USP34: variants seen among roughly 807,000 people sequenced by gnomAD.
USP34 encodes ubiquitin specific peptidase 34.
USP34 carries 70 observed loss-of-function variants against 460.3 expected under a neutral mutation model. The observed-to-expected ratio is 0.15, with a 90% CI of 0.13 to 0.19. USP34 has a LOEUF of 0.19. USP34 is among the 10% of genes least tolerant of loss of function. The probability of loss-of-function intolerance (pLI) is 1.00; values close to 1 mark genes in which losing one functional copy is unlikely to be tolerated. For synonymous variants in USP34, 1,647 were observed against 1,405.3 expected (o/e 1.17, Z -3.85); for missense variants, 3,985 against 4,236.2 (o/e 0.94, Z 1.65).
In USP34 at chr2:61,265,570, G is replaced by C. The variant is rs1441562729; in HGVS notation, c.5618-13C>G. The C allele has an allele frequency of 5.1e-6, 8 of 1,578,910 alleles. No homozygotes were observed. The South Asian group carries it at 8.2e-5, about 16-fold the overall frequency. The stretch of plus-strand genomic sequence containing the variant: ...TAAGGTGCATGGGCTGCTGAAGAAA[G>C]AGGGAGGAAAAGATCCCCCCCAAAC... On this transcript the variant is annotated splice_polypyrimidine_tract_variant and intron_variant, in intron 42 of 79. Coordinates refer to ENST00000398571, the MANE Select transcript of USP34 (RefSeq NM_014709.4).
At chr2:61,246,274 A>G (rs1298859346) in intron 50 of USP34, 50 bp downstream of exon 50, 3 of 1,384,266 alleles carry the variant, frequency 2.2e-6, no homozygotes, top group Non-Finnish European at 9.5e-7. Flanking sequence ...AAAACATATC[A>G]GAAAACTACC....
chr2:61,223,568 AC>A (rs1182372039), intron 62 of USP34: 3 of 325,296 alleles, frequency 9.2e-6, no homozygotes, highest in African/African-American at 6.7e-5. Flanking sequence ...GTCTTATTTT[AC>A]TTACTTTTTT....
At chr2:61,393,366 G>A (rs1180032936) in intron 5 of USP34, among the ~76,000 whole-genome samples, 7 of 150,778 alleles carry the variant, frequency 4.6e-5, no homozygotes, top group African/African-American at 1.5e-4. Flanking sequence ...GGGAGACGGA[G>A]GTTGCAGTGA....
At chr2:61,213,429 A>G (rs1470695577) in intron 68 of USP34, among the ~76,000 whole-genome samples, 3 of 152,198 alleles carry the variant, frequency 2.0e-5, no homozygotes, top group African/African-American at 7.2e-5. Flanking sequence ...CTGTCTTTAA[A>G]GTACAGTTTA....
chr2:61,232,906 G>C (rs1000540491), intron 57 of USP34, among the ~76,000 whole-genome samples: 1 of 113,772 alleles, frequency 8.8e-6, no homozygotes, highest in Non-Finnish European at 1.6e-5. Context: ...ATCTTGCTCC[G>C]TTGCCCAGGC....
chr2:61,455,731 A>T (rs2104081808), intron 1 of USP34, among the ~76,000 whole-genome samples: 1 of 152,270 alleles, frequency 6.6e-6, no homozygotes, highest in Middle Eastern at 3.4e-3. Context: ...ATTTCACAAA[A>T]TTTACCATTT....
intron 67 of USP34, among the ~76,000 whole-genome samples, chr2:61,218,480 T>C (rs1289545742): frequency 6.6e-6 from 1 of 152,170 alleles, no homozygotes; most frequent in East Asian, 1.9e-4. Context: ...AACACTATTA[T>C]GATGGTACAT....
At chr2:61,443,438 T>C (rs959510864) in intron 1 of USP34, among the ~76,000 whole-genome samples, 1 of 151,890 alleles carries the variant, frequency 6.6e-6, no homozygotes, top group South Asian at 2.1e-4. Context: ...CGTACAATTA[T>C]TACGTCAATT....
At chr2:61,460,856 G>A (rs564901501) in intron 1 of USP34, among the ~76,000 whole-genome samples, 4 of 151,834 alleles carry the variant, frequency 2.6e-5, no homozygotes, top group South Asian at 2.1e-4. Flanking sequence ...AGTGACGCAC[G>A]CCTGTAGTCC....
chr2:61,321,436 C>T (rs536177114), intron 21 of USP34, among the ~76,000 whole-genome samples: 1 of 152,262 alleles, frequency 6.6e-6, no homozygotes, highest in South Asian at 2.1e-4. Flanking sequence ...TGCGCCACTG[C>T]TCTCCAGCCT....
intron 2 of USP34, among the ~76,000 whole-genome samples, chr2:61,413,628 C>G (rs1260882413): frequency 6.8e-6 from 1 of 146,182 alleles, no homozygotes; most frequent in Non-Finnish European, 1.5e-5. Context: ...CCATTGCACT[C>G]CATCCTGGCA....
intron 21 of USP34, among the ~76,000 whole-genome samples, chr2:61,322,465 G>T (rs2600660): frequency 0.33 from 50,147 of 151,980 alleles, 8,415 homozygotes; most frequent in Non-Finnish European, 0.38. Context: ...GCAATCACAA[G>T]TACGAGTATG....
At chr2:61,202,068 C>G (rs1024743099) in intron 75 of USP34, among the ~76,000 whole-genome samples, 10 of 152,170 alleles carry the variant, frequency 6.6e-5, no homozygotes, top group African/African-American at 2.4e-4. Flanking sequence ...TTACCAGGAA[C>G]CAGCTTTCAA....
Position 61,188,490 on chromosome 2 carries a change from T to A in USP34, c.10253A>T (p.Glu3418Val). 6.2e-7 allele frequency: 1 copy of A among 1,614,224 alleles called. No homozygotes were observed. Among genetic ancestry groups the A allele is most frequent in the Non-Finnish European group, 8.5e-7 (1 of 1,180,036 alleles). ...GTCTTCTGAAAACGAAGATGGAACTTCCATTCGGTATTCTTTAACAGAACT... is the reference window on the plus strand; with the variant it reads ...GTCTTCTGAAAACGAAGATGGAACTACCATTCGGTATTCTTTAACAGAACT... The part of the protein sequence containing the change: ...ENSSVKEYRM[E>V]VPSSFSEDMS... Residue 3418 changes from glutamate (E) to valine (V), a missense_variant, in exon 80 of 80, where the codon GAA becomes GTA. This residue lies in a region of USP34 where 506 missense variants were observed against 439.0 expected (regional missense o/e 1.15). Transcript: ENST00000398571.
chr2:61,427,624 C>G (rs553290515), intron 1 of USP34, among the ~76,000 whole-genome samples: 18 of 152,262 alleles, frequency 1.2e-4, no homozygotes, highest in Middle Eastern at 6.8e-3. Context: ...TATCAGATAA[C>G]TTTAACAAAG....
At chr2:61,448,172 C>T (rs941339753) in intron 1 of USP34, among the ~76,000 whole-genome samples, 1 of 152,196 alleles carries the variant, frequency 6.6e-6, no homozygotes, top group Admixed American at 6.5e-5. Flanking sequence ...AAAATGTCAA[C>T]ACAATGAAAA....
At chr2:61,238,109 T>G (rs750473747) in intron 53 of USP34, among the ~76,000 whole-genome samples, 1 of 151,956 alleles carries the variant, frequency 6.6e-6, no homozygotes, top group Non-Finnish European at 1.5e-5. Context: ...TTGGCCAGGC[T>G]GGTCTCGAAC....
At chr2:61,275,873 T>A (rs559083942) in intron 41 of USP34, among the ~76,000 whole-genome samples, 21 of 152,178 alleles carry the variant, frequency 1.4e-4, no homozygotes, top group Non-Finnish European at 2.6e-4. Context: ...CAAAAATTTG[T>A]CCTAGGATGA....
intron 3 of USP34, among the ~76,000 whole-genome samples, chr2:61,403,449 A>G (rs1489268633): frequency 6.6e-6 from 1 of 152,194 alleles, no homozygotes; most frequent in Non-Finnish European, 1.5e-5. Flanking sequence ...CCAAGTTAAG[A>G]TATTAAAGCA....
Sources: allele counts gnomAD v4.1 joint callset (sites outside exome capture counted in the v4.1 genomes callset), GRCh38; gene constraint gnomAD v4.1.1; regional missense constraint gnomAD v4.1.1; transcripts MANE v1.5; gene names NCBI Gene and HGNC (gene_info 2026-07-23, HGNC 2026-07-21).